ISOC1: variants seen among roughly 807,000 people sequenced by gnomAD.
ISOC1 encodes the protein isochorismatase domain containing 1, also known as isochorismatase domain-containing protein 1.
In ISOC1, 33 loss-of-function variants were observed where a neutral mutation model predicts 30.0. That is an observed-to-expected ratio of 1.10 (90% CI 0.83 to 1.47). The LOEUF (loss-of-function observed/expected upper bound fraction) is 1.47. Among genes scored for constraint, ISOC1 ranks in the 40% most tolerant of loss-of-function variants. ISOC1 has a pLI of 0.00. For synonymous variants in ISOC1, 178 were observed against 159.8 expected (o/e 1.11, Z -0.86); for missense variants, 372 against 388.0 (o/e 0.96, Z 0.35).
chr5:129,105,832 G>A (rs1220380019), intron 3 of ISOC1, among the ~76,000 whole-genome samples: 4 of 152,122 alleles, frequency 2.6e-5, no homozygotes, highest in African/African-American at 7.2e-5. Context: ...TTCAAATCAT[G>A]TATGTATCTT....
intron 1 of ISOC1, among the ~76,000 whole-genome samples, chr5:129,098,248 C>G (rs1435371798): frequency 1.3e-5 from 2 of 152,112 alleles, no homozygotes; most frequent in African/African-American, 4.8e-5. Flanking sequence ...CCCCCCATTG[C>G]CAGTATTAGG....
At chr5:129,102,424 A>G (rs1753583960) in intron 1 of ISOC1, among the ~76,000 whole-genome samples, 1 of 152,122 alleles carries the variant, frequency 6.6e-6, no homozygotes, top group African/African-American at 2.4e-5. Context: ...GTCTAATATG[A>G]CACATCTGAT....
In ISOC1 at chr5:129,094,946, C is replaced by T; in HGVS notation, c.180C>T (p.Asp60=). ...LIQKFLSLYG[D]QIDMHRKFVV... is the part of the protein sequence containing the mutation. The stretch of plus-strand genomic sequence containing the variant: ...AGAAGTTCCTCAGCCTGTACGGCGA[C>T]CAGATCGACATGCACCGCAAATTCG... Residue 60 remains aspartate, a synonymous_variant, in exon 1 of 5, where the codon GAC becomes GAT. Transcript: ENST00000173527. 1.2e-6 allele frequency: 2 copies of T among 1,612,282 alleles called. No individual in the cohort carries two copies. The highest frequency in any genetic ancestry group is 1.3e-5 in the African/African-American group (1 of 75,046).
At chr5:129,101,192 A>AATATATATATATATATATATATATATAT (rs1554064628) in intron 1 of ISOC1, among the ~76,000 whole-genome samples, 6 of 42,232 alleles carry the variant, frequency 1.4e-4, no homozygotes, top group African/African-American at 1.1e-3. Flanking sequence ...AAAAAAAAAA[A>AATATATATATATATATATATATATATAT]ATATATATAT....
At position 129,095,021 on chromosome 5, in the gene ISOC1, G is replaced by T. The variant is rs1196162437; in HGVS notation, c.255G>T (p.Lys85Asn). ...GGGGCCAGTACGTGGACTTGCCCAAGGGCTTCGCGGTGAGCGAGCGCTGCA... is the reference window on the plus strand; with the variant it reads ...GGGGCCAGTACGTGGACTTGCCCAATGGCTTCGCGGTGAGCGAGCGCTGCA... ...EEWGQYVDLPKGFAVSERCKV... is the reference protein window; with the variant it reads ...EEWGQYVDLPNGFAVSERCKV... Residue 85 changes from lysine (K) to asparagine (N), a missense_variant, in exon 1 of 5, where the codon AAG (lysine) becomes AAT (asparagine). By Grantham distance (94) the Lys-to-Asn change is moderately conservative. Transcript: ENST00000173527. The T allele has an allele frequency of 6.2e-7, 1 of 1,601,228 alleles. No homozygotes were observed. The highest frequency in any genetic ancestry group is 1.1e-5 in the South Asian group (1 of 89,708).
chr5:129,105,283 A>G lies in ISOC1; in HGVS notation c.528A>G (p.Val176=), dbSNP rs768045660. 5.6e-6 allele frequency: 9 copies of G among 1,613,806 alleles called. No homozygotes were observed. The highest frequency in any genetic ancestry group is 1.6e-4 in the Middle Eastern group (1 of 6,084). ...TTCAAGAAATTGATTTAACAGGTGT[A>G]AAACTGGTACTTCCAAAGACCAAGT... ...STVQEIDLTG[V]KLVLPKTKFS... The change falls in exon 3 of 5, where the codon GTA becomes GTG. Residue 176 remains valine, a synonymous_variant. Coordinates refer to ENST00000173527, the MANE Select transcript of ISOC1 (RefSeq NM_016048.2).
intron 4 of ISOC1, 41 bp downstream of exon 4, chr5:129,107,103 C>G (rs1483147456): frequency 6.8e-7 from 1 of 1,474,742 alleles, no homozygotes; most frequent in Non-Finnish European, 9.5e-7. Context: ...GTCAAGTTTT[C>G]CAAATAAATG....
At chr5:129,104,654 T>C (rs1753613555) in intron 1 of ISOC1, among the ~76,000 whole-genome samples, 1 of 152,138 alleles carries the variant, frequency 6.6e-6, no homozygotes, top group African/African-American at 2.4e-5. Context: ...TTTGAAGACA[T>C]ATACATATGT....
At chr5:129,106,792 C>T (rs1753642520) in intron 3 of ISOC1, among the ~76,000 whole-genome samples, 154 bp from the exon 4 acceptor site, 1 of 152,140 alleles carries the variant, frequency 6.6e-6, no homozygotes, top group Admixed American at 6.5e-5. Flanking sequence ...TTTTATGCTC[C>T]AGATTATCTA....
chr5:129,108,967 G>A (rs886228443), intron 4 of ISOC1, among the ~76,000 whole-genome samples: 19 of 152,110 alleles, frequency 1.2e-4, no homozygotes, highest in African/African-American at 4.6e-4. Context: ...GTAATGCTGA[G>A]GTCCAGAACT....
intron 1 of ISOC1, among the ~76,000 whole-genome samples, chr5:129,095,803 G>A (rs1047052148): frequency 6.6e-6 from 1 of 152,206 alleles, no homozygotes; most frequent in Admixed American, 6.5e-5. Context: ...TCTACCTGAG[G>A]ACTACTTAAC....
At chr5:129,100,971 A>G (rs1753563334) in intron 1 of ISOC1, among the ~76,000 whole-genome samples, 1 of 150,584 alleles carries the variant, frequency 6.6e-6, no homozygotes, top group Non-Finnish European at 1.5e-5. Context: ...AAAGTTGTAA[A>G]GATAGTACAG....
Position 129,106,949 on chromosome 5 carries a change from CAT to C in ISOC1, c.638_639del (p.His213ArgfsTer22), listed in dbSNP as rs749670736. 29 of 1,610,916 alleles carry C rather than the reference CAT, an allele frequency of 1.8e-5. No individual in the cohort carries two copies. Among genetic ancestry groups the C allele is most frequent in the Admixed American group, 8.3e-5 (5 of 59,954 alleles). ...RSVVLFGVET[H>X]VCIQQTALEL... ...GATTCTTGTACTTTCCTACTAGACT[CAT>C]GTGTGCATCCAACAAACTGCCCTGG... On this transcript the variant is annotated frameshift_variant, in exon 4 of 5. Transcript: ENST00000173527. LOFTEE classifies it high-confidence loss of function.
In ISOC1 at chr5:129,094,838, C is replaced by T. The variant is rs1440752180; in HGVS notation, c.72C>T (p.Gly24=). The part of the protein sequence containing the change: ...SGAGGAGAPS[G]TVPVLFCFSV... ...CCGGGGGCGCGGGGGCGCCGTCGGG[C>T]ACAGTCCCGGTGCTCTTCTGTTTCT... The change falls in exon 1 of 5, where the codon GGC becomes GGT. Residue 24 remains glycine (G), a synonymous_variant. Coordinates refer to ENST00000173527, the MANE Select transcript of ISOC1 (RefSeq NM_016048.2). The T allele has an allele frequency of 6.4e-7, 1 of 1,558,238 alleles. No individual in the cohort carries two copies. The highest frequency in any genetic ancestry group is 8.7e-7 in the Non-Finnish European group (1 of 1,154,744).
rs1753731288 is a variant in ISOC1, at chr5:129,113,028, C to T, written c.*27C>T. The T allele has an allele frequency of 3.1e-6, 5 of 1,596,222 alleles. No homozygotes were observed. In the East Asian group the frequency reaches 1.1e-4, roughly 36 times the overall value. ...ACATTTGAAGAACTGGTATGCTACT[C>T]ACTGGTGAAGGACAGTCAGGTGAAG... On this transcript the variant is annotated 3_prime_UTR_variant, in exon 5 of 5. Transcript: ENST00000173527.
intron 1 of ISOC1, among the ~76,000 whole-genome samples, chr5:129,096,285 T>C (rs1753500322): frequency 6.6e-6 from 1 of 152,228 alleles, no homozygotes; most frequent in South Asian, 2.1e-4. Flanking sequence ...TACTGAACAC[T>C]AGAGCTTATT....
At chr5:129,096,381 G>A (rs555647586) in intron 1 of ISOC1, among the ~76,000 whole-genome samples, 1 of 152,240 alleles carries the variant, frequency 6.6e-6, no homozygotes, top group East Asian at 1.9e-4. Context: ...GTTGGCAGCT[G>A]AATTGATGAT....
At position 129,107,022 on chromosome 5, in the gene ISOC1, C is replaced by T; in HGVS notation, c.710C>T (p.Thr237Ile). 1 of 1,613,820 alleles carries T rather than the reference C, an allele frequency of 6.2e-7. No individual in the cohort carries two copies. The highest frequency in any genetic ancestry group is 8.5e-7 in the Non-Finnish European group (1 of 1,179,800). The change falls in exon 4 of 5, where the codon ACC becomes ATC. Residue 237 changes from threonine (T) to isoleucine (I), a missense_variant. Physicochemically the swap from Thr to Ile is moderately conservative, Grantham distance 89. Transcript: ENST00000173527. The part of the protein sequence containing the change: ...GVEVHIVADA[T>I]SSRSMMDRMF... ...GAGGTTCACATTGTTGCTGATGCCA[C>T]CTCATCAAGAAGCATGATGGACAGG...
intron 4 of ISOC1, 135 bp downstream of exon 4, chr5:129,107,197 C>A: frequency 1.5e-6 from 1 of 655,194 alleles, no homozygotes; most frequent in Non-Finnish European, 2.8e-6. Flanking sequence ...TAATTGATTT[C>A]AACTGTGCAC....
Sources: gnomAD v4.1 joint callset for allele counts (sites outside exome capture counted in the v4.1 genomes callset) on GRCh38, gnomAD v4.1.1 for gene constraint, MANE v1.5 for transcripts, NCBI Gene and HGNC (gene_info 2026-07-23, HGNC 2026-07-21) for gene names.